Variants in PHLPP2 observed in about 807,000 individuals in gnomAD.
The protein encoded by PHLPP2 is PH domain leucine-rich repeat-containing protein phosphatase 2.
PHLPP2 carries 66 observed loss-of-function variants against 124.9 expected under a neutral mutation model. The ratio of observed to expected loss-of-function variants is 0.53; its 90% CI spans 0.43 to 0.65. The LOEUF (loss-of-function observed/expected upper bound fraction) is 0.65. Ranked by LOEUF, PHLPP2 falls within the 30% of genes least tolerant of loss-of-function variation. The probability of loss-of-function intolerance (pLI) is 0.00; values close to 1 mark genes in which losing one functional copy is unlikely to be tolerated. For missense variants in PHLPP2, 1,685 were observed against 1,600.4 expected, an observed-to-expected ratio of 1.05 and a Z score of -0.90; for synonymous variants, 681 against 624.7, an observed-to-expected ratio of 1.09 and a Z score of -1.34.
intron 17 of PHLPP2, among the ~76,000 whole-genome samples, chr16:71,654,830 G>A (rs1199063605): frequency 6.6e-6 from 1 of 152,134 alleles, no homozygotes; most frequent in Non-Finnish European, 1.5e-5. Context: ...GATTAGTTTG[G>A]TAAAACCCCA....
intron 3 of PHLPP2, among the ~76,000 whole-genome samples, chr16:71,701,293 TATCTATC>T: frequency 1.1e-5 from 1 of 91,786 alleles, no homozygotes; most frequent in East Asian, 2.9e-4. Context: ...TCTATCTATC[TATCTATC>T]TATCTATCTA....
Position 71,681,775 on chromosome 16 carries a change from G to C in PHLPP2, c.866C>G (p.Pro289Arg), listed in dbSNP as rs1165661490. 7 of 1,613,366 alleles carry C rather than the reference G, an allele frequency of 4.3e-6. No individual in the cohort carries two copies. The highest frequency in any genetic ancestry group is 5.9e-6 in the Non-Finnish European group (7 of 1,179,734). The change falls in exon 6 of 19, where the codon CCC becomes CGC. Residue 289 changes from proline (P) to arginine (R), a missense_variant. Coordinates refer to ENST00000568954, the MANE Select transcript of PHLPP2 (RefSeq NM_015020.3). ...LRHNFMQLER[P>R]GGLDTLYKFS... ...CTTGTAGAGTGTATCGAGGCCTCCG[G>C]GTCTTTCTAACTGCATGAAGTTGTG... is the stretch of plus-strand genomic sequence containing the variant.
At chr16:71,699,670 C>CT (rs2045208818) in intron 3 of PHLPP2, among the ~76,000 whole-genome samples, 1 of 152,236 alleles carries the variant, frequency 6.6e-6, no homozygotes, top group Admixed American at 6.5e-5. Context: ...CACACTGGCC[C>CT]TTTACCCTCA....
chr16:71,681,898 G>C lies in PHLPP2; in HGVS notation c.743C>G (p.Ser248Cys), dbSNP rs1446756054. 6.2e-7 allele frequency: 1 copy of C among 1,606,108 alleles called. No homozygotes were observed. The highest frequency in any genetic ancestry group is 2.3e-5 in the East Asian group (1 of 44,424). Reference protein sequence around the residue: ...RWQRQASKVVSQRISTVDLSC... With the variant: ...RWQRQASKVVCQRISTVDLSC... ...GAGATCCACGGTACTGATTCGCTGG[G>C]ACACCACCTGAATAATGTCAAAGAG... The change falls in exon 6 of 19, where the codon TCC (serine) becomes TGC (cysteine). Residue 248 changes from serine to cysteine, a missense_variant. By Grantham distance (112) the Ser-to-Cys change is moderately radical (BLOSUM62 -1). Transcript: ENST00000568954.
chr16:71,704,549 C>T (rs2045260023), intron 2 of PHLPP2, among the ~76,000 whole-genome samples: 1 of 151,940 alleles, frequency 6.6e-6, no homozygotes, highest in Admixed American at 6.6e-5. Context: ...AATAAAACAA[C>T]CACCTGGCCT....
At chr16:71,685,483 A>G (rs918063671) in intron 4 of PHLPP2, among the ~76,000 whole-genome samples, 1 of 152,234 alleles carries the variant, frequency 6.6e-6, no homozygotes, top group African/African-American at 2.4e-5. Flanking sequence ...GGAAACTTAC[A>G]TTAGGTTTCT....
intron 5 of PHLPP2, among the ~76,000 whole-genome samples, chr16:71,682,822 C>T (rs542723443): frequency 1.3e-5 from 2 of 152,006 alleles, no homozygotes; most frequent in Non-Finnish European, 2.9e-5. Flanking sequence ...TAATAGTATG[C>T]TAATATAATA....
In PHLPP2 at chr16:71,707,146, G is replaced by A. The variant is rs192278847; in HGVS notation, c.285-4415C>T. 9.0e-3 allele frequency among the ~76,000 whole-genome samples: 1,354 copies of A among 151,178 alleles called. 14 individuals carry two copies. Among genetic ancestry groups the A allele is most frequent in the African/African-American group, 0.031 (1,292 of 41,248 alleles). ...ATTTTTTTGTATTTTTAGTAGAGAC[G>A]GGGTTTCACCGTGTTAGCCAGGATG... On this transcript the variant is annotated intron_variant, in intron 2 of 18. Transcript: ENST00000568954.
intron 3 of PHLPP2, among the ~76,000 whole-genome samples, chr16:71,697,960 A>G (rs1379974556): frequency 1.4e-5 from 2 of 146,846 alleles, no homozygotes; most frequent in South Asian, 2.2e-4. Flanking sequence ...CCATTCTCCC[A>G]CCTCAGCCTC....
intron 11 of PHLPP2, among the ~76,000 whole-genome samples, chr16:71,668,061 A>C (rs1032640651): frequency 5.3e-5 from 8 of 152,016 alleles, no homozygotes; most frequent in Non-Finnish European, 1.2e-4. Flanking sequence ...AACATTCCCT[A>C]ATTATTCAAA....
At position 71,678,911 on chromosome 16, in the gene PHLPP2, G is replaced by C. The variant is rs1230870218; in HGVS notation, c.1112C>G (p.Ser371Cys). Residue 371 changes from serine to cysteine, a missense_variant, in exon 8 of 19, where the codon TCC becomes TGC. By Grantham distance (112) the Ser-to-Cys change is moderately radical (BLOSUM62 -1). Coordinates refer to ENST00000568954, the MANE Select transcript of PHLPP2 (RefSeq NM_015020.3). Reference protein sequence around the residue: ...PEELGNLQQLSSLGISFNNFS... With the variant: ...PEELGNLQQLCSLGISFNNFS... ...GTTGTTGAAGGAAATTCCCAAGGAG[G>C]AAAGCTGTTGTAGATTTCCCAATTC... 1.2e-6 allele frequency: 2 copies of C among 1,613,192 alleles called. No homozygotes were observed. The highest frequency in any genetic ancestry group is 1.7e-6 in the Non-Finnish European group (2 of 1,179,316).
At chr16:71,723,928 C>T (rs892166666) in intron 1 of PHLPP2, 60 of 610,230 alleles carry the variant, frequency 9.8e-5, no homozygotes, top group Non-Finnish European at 2.3e-5. Context: ...GCCTCGGCGG[C>T]GCGCGCGAGC....
intron 3 of PHLPP2, among the ~76,000 whole-genome samples, chr16:71,694,200 TAAA>T (rs1351632239): frequency 1.5e-4 from 7 of 45,684 alleles, no homozygotes; most frequent in Middle Eastern, 0.024. Flanking sequence ...TCAAAAATAA[TAAA>T]ATAAAATAAA....
intron 2 of PHLPP2, among the ~76,000 whole-genome samples, chr16:71,708,186 T>C (rs2045294064): frequency 6.6e-6 from 1 of 152,168 alleles, no homozygotes; most frequent in South Asian, 2.1e-4. Flanking sequence ...TTGTGTTTCT[T>C]ATTAATATAA....
chr16:71,659,414 G>A (rs993316977), intron 13 of PHLPP2, among the ~76,000 whole-genome samples: 5 of 152,018 alleles, frequency 3.3e-5, no homozygotes, highest in Admixed American at 3.3e-4. Flanking sequence ...ACCACGCCCG[G>A]CTAATTGTGT....
intron 1 of PHLPP2, among the ~76,000 whole-genome samples, chr16:71,719,887 G>A (rs1301581893): frequency 2.7e-5 from 4 of 149,210 alleles, no homozygotes; most frequent in Admixed American, 2.0e-4. Flanking sequence ...AACCTCCACC[G>A]CCCGGGTTCA....
chr16:71,681,677 G>A (rs1173334739), intron 6 of PHLPP2, 74 bp downstream of exon 6: 4 of 1,117,850 alleles, frequency 3.6e-6, no homozygotes, highest in Non-Finnish European at 5.0e-6. Flanking sequence ...TACAATGGTA[G>A]CAGGTAGAAG....
chr16:71,656,305 A>G (rs1450288343), intron 16 of PHLPP2, among the ~76,000 whole-genome samples: 1 of 152,206 alleles, frequency 6.6e-6, no homozygotes, highest in Admixed American at 6.5e-5. Flanking sequence ...TAGCAGAAGG[A>G]TAAAGCTGTA....
chr16:71,667,373 C>A (rs1445236237), intron 11 of PHLPP2, 40 bp from the exon 12 acceptor site: 3 of 1,513,600 alleles, frequency 2.0e-6, no homozygotes, highest in Non-Finnish European at 2.7e-6. Context: ...TAAAAACTTA[C>A]TTAAATCATT....
Sources: allele counts gnomAD v4.1 joint callset (sites outside exome capture counted in the v4.1 genomes callset), GRCh38; gene constraint gnomAD v4.1.1; transcripts MANE v1.5; gene names NCBI Gene and HGNC (gene_info 2026-07-23, HGNC 2026-07-21).